AIMP2: variants seen among roughly 807,000 people sequenced by gnomAD.
AIMP2 encodes the protein aminoacyl tRNA synthetase complex interacting multifunctional protein 2, also known as aminoacyl tRNA synthase complex-interacting multifunctional protein 2.
A neutral mutation model predicts 23.4 loss-of-function variants in AIMP2; 20 were observed. The ratio of observed to expected loss-of-function variants is 0.85; its 90% confidence interval spans 0.60 to 1.24. The LOEUF (loss-of-function observed/expected upper bound fraction) is 1.24. Among genes scored for constraint, AIMP2 ranks in the 50% most tolerant of loss-of-function variants. The pLI, the probability that AIMP2 is intolerant of heterozygous loss-of-function variation, is 0.00. For synonymous variants in AIMP2, 210 were observed against 170.4 expected, an observed-to-expected ratio of 1.23 and a Z score of -1.81; for missense variants, 515 against 414.5, an observed-to-expected ratio of 1.24 and a Z score of -2.10.
At chr7:6,010,013 G>A (rs1472013753) in intron 1 of AIMP2, among the ~76,000 whole-genome samples, 1 of 125,712 alleles carries the variant, frequency 8.0e-6, no homozygotes, top group Non-Finnish European at 1.6e-5. Flanking sequence ...TTCCAGGTCG[G>A]GCGCGGTGGT....
chr7:6,015,195 T>C lies in AIMP2; in HGVS notation c.185T>C (p.Ile62Thr). 1.2e-6 allele frequency: 2 copies of C among 1,614,192 alleles called. No homozygotes were observed. Among genetic ancestry groups the C allele is most frequent in the Non-Finnish European group, 1.7e-6 (2 of 1,180,034 alleles). The change falls in exon 2 of 4, where the codon ATT (isoleucine) becomes ACT (threonine). Residue 62 changes from isoleucine (I) to threonine (T), a missense_variant. Ile to Thr is a moderately conservative substitution (Grantham distance 89). Transcript: ENST00000223029. ...GCTCTTGAGTCCCGCCAAGATGATA[T>C]TTTAAAACGTCTGTATGAGTTGAAA... ...LQALESRQDDILKRLYELKAA... is the reference protein window; with the variant it reads ...LQALESRQDDTLKRLYELKAA...
In AIMP2 at chr7:6,009,974, A is replaced by AATATAT. The variant is rs1183984035; in HGVS notation, c.135+489_135+494dup. 1.8e-3 allele frequency among the ~76,000 whole-genome samples: 49 copies of AATATAT among 26,650 alleles called. 2 individuals carry two copies. Among genetic ancestry groups the AATATAT allele is most frequent in the East Asian group, 7.4e-3 (2 of 272 alleles). The allele number at this position is 26,650 out of a possible 152,430, so 17.5% of individuals were successfully genotyped here. On this transcript the variant is annotated intron_variant, in intron 1 of 3. Coordinates refer to ENST00000223029, the MANE Select transcript of AIMP2 (RefSeq NM_006303.4). ...CAAAAAAAAAAAAAAAAAAAAAAAA[A>AATATAT]ATATATATATATATATATGTATGTA...
rs767186611 is a variant in AIMP2 at position 6,009,470 on chromosome 7, G to A, written c.107G>A (p.Gly36Asp). The A allele has an allele frequency of 3.1e-6, 5 of 1,590,540 alleles. No individual in the cohort carries two copies. Among genetic ancestry groups the A allele is most frequent in the Non-Finnish European group, 4.3e-6 (5 of 1,171,776 alleles). ...RLPNVHGRSY[G>D]PAPGAGHVQE... Reference sequence around the variant, plus strand: ...CCCAACGTGCACGGCAGGAGCTACGGCCCAGCGCCGGGCGCTGGCCACGTG... The same window carrying A: ...CCCAACGTGCACGGCAGGAGCTACGACCCAGCGCCGGGCGCTGGCCACGTG... The change falls in exon 1 of 4, where the codon GGC becomes GAC. Residue 36 changes from glycine to aspartate, a missense_variant. Physicochemically the swap from Gly to Asp is moderately conservative, Grantham distance 94. Transcript: ENST00000223029.
chr7:6,014,977 C>G (rs112928566), intron 1 of AIMP2, 169 bp from the exon 2 acceptor site: 30 of 1,425,520 alleles, frequency 2.1e-5, no homozygotes, highest in Non-Finnish European at 2.8e-5. Context: ...ACCTGGACCT[C>G]CCGAAGTGCT....
At position 6,023,098 on chromosome 7, in the gene AIMP2, G is replaced by C. The variant is rs1787552302; in HGVS notation, c.575-205G>C. 5.1e-6 allele frequency: 3 copies of C among 590,768 alleles called. No individual in the cohort carries two copies. In the South Asian group the frequency reaches 7.8e-5, roughly 15 times the overall value. 36.6% of individuals were successfully genotyped at this position (590,768 alleles called of 1,614,324 possible). The stretch of plus-strand genomic sequence containing the variant: ...ATCAAATACCAGGAATGACTCTTTG[G>C]TTACTTTTTTAACATAGTTTGCACT... On this transcript the variant is annotated intron_variant, in intron 3 of 3. Coordinates refer to ENST00000223029, the MANE Select transcript of AIMP2 (RefSeq NM_006303.4).
At chr7:6,009,613 C>A in intron 1 of AIMP2, 115 bp downstream of exon 1, 1 of 931,888 alleles carries the variant, frequency 1.1e-6, no homozygotes, top group Non-Finnish European at 1.4e-6. Context: ...ACCCCGGCAT[C>A]TGTGCCGGCC....
chr7:6,012,619 G>C, intron 1 of AIMP2: 1 of 269,788 alleles, frequency 3.7e-6, no homozygotes. Context: ...GTGCAATGTC[G>C]CAATCTCAGC....
Position 6,023,815 on chromosome 7 carries a change from T to C in AIMP2, c.*124T>C, listed in dbSNP as rs1787653979. Reference sequence around the variant, plus strand: ...ATTTAGGCCAGTTGTCAAGTGTCAATAAAAGCATCATGTAATTTATGGTTT... The same window carrying C: ...ATTTAGGCCAGTTGTCAAGTGTCAACAAAAGCATCATGTAATTTATGGTTT... On this transcript the variant is annotated 3_prime_UTR_variant, in exon 4 of 4. Transcript: ENST00000223029. 1 of 1,572,958 alleles carries C rather than the reference T, an allele frequency of 6.4e-7. No homozygotes were observed. Among genetic ancestry groups the C allele is most frequent in the South Asian group, 1.2e-5 (1 of 86,064 alleles).
intron 1 of AIMP2, among the ~76,000 whole-genome samples, chr7:6,010,308 T>C (rs1236930163): frequency 2.0e-5 from 3 of 151,822 alleles, no homozygotes; most frequent in Admixed American, 6.6e-5. Context: ...TTGACACACA[T>C]TGTCACCACT....
chr7:6,017,669 C>T, intron 2 of AIMP2, 145 bp from the exon 3 acceptor site: 1 of 681,330 alleles, frequency 1.5e-6, no homozygotes, highest in Non-Finnish European at 2.5e-6. Context: ...AAGTTACTGG[C>T]TGCAACGTGG....
At chr7:6,016,611 C>T (rs1051824516) in intron 2 of AIMP2, among the ~76,000 whole-genome samples, 2 of 152,140 alleles carry the variant, frequency 1.3e-5, no homozygotes, top group Non-Finnish European at 2.9e-5. Context: ...GACCCTGAGT[C>T]ATTTCTCAGG....
In AIMP2 at chr7:6,018,871, A is replaced by T. The variant is rs538854068; in HGVS notation, c.574+826A>T. On this transcript the variant is annotated intron_variant, in intron 3 of 3. Coordinates refer to ENST00000223029, the MANE Select transcript of AIMP2 (RefSeq NM_006303.4). ...AAAAAGAAAAATATCAAAACAAGAA[A>T]AAGATATGAGGCATAAAATATTTAC... Among the ~76,000 whole-genome samples, 76 of 152,140 alleles carry T rather than the reference A, an allele frequency of 5.0e-4. No individual in the cohort carries two copies. In the South Asian group the frequency reaches 7.7e-3, roughly 15 times the overall value.
intron 1 of AIMP2, among the ~76,000 whole-genome samples, chr7:6,014,001 G>A (rs1786863714): frequency 6.6e-6 from 1 of 151,640 alleles, no homozygotes; most frequent in African/African-American, 2.4e-5. Flanking sequence ...TGATTACTTG[G>A]CCCCATGGAC....
intron 1 of AIMP2, among the ~76,000 whole-genome samples, chr7:6,009,810 G>C (rs981279491): frequency 1.3e-5 from 2 of 150,388 alleles, no homozygotes; most frequent in African/African-American, 2.4e-5. Context: ...AATTGGCCGG[G>C]TGTGGTGAGG....
chr7:6,021,096 C>G (rs992735742), intron 3 of AIMP2, among the ~76,000 whole-genome samples: 4 of 151,816 alleles, frequency 2.6e-5, no homozygotes, highest in African/African-American at 9.7e-5. Context: ...GCACTCAGAG[C>G]CCCACGAGTT....
rs761471943 is a variant in AIMP2 at position 6,023,307 on chromosome 7, G to A, written c.579G>A (p.Pro193=). Reference sequence around the variant, plus strand: ...TGGCGTGTTTTTTCTTTTCAGTGCCGAAGACGCAGATGAAATTCAGCATCC... The same window carrying A: ...TGGCGTGTTTTTTCTTTTCAGTGCCAAAGACGCAGATGAAATTCAGCATCC... The part of the protein sequence containing the change: ...LGFTLIWKNV[P]KTQMKFSIQT... The change falls in exon 4 of 4, where the codon CCG becomes CCA. Residue 193 remains proline (P), a synonymous_variant. Coordinates refer to ENST00000223029, the MANE Select transcript of AIMP2 (RefSeq NM_006303.4). 8.2e-6 allele frequency: 13 copies of A among 1,593,802 alleles called. No individual in the cohort carries two copies. Among genetic ancestry groups the A allele is most frequent in the African/African-American group, 8.1e-5 (6 of 73,970 alleles).
At chr7:6,016,889 A>G (rs1331728680) in intron 2 of AIMP2, 4 of 157,708 alleles carry the variant, frequency 2.5e-5, no homozygotes. Context: ...ATGGGTTTGG[A>G]TTATGACAGG....
intron 1 of AIMP2, 83 bp downstream of exon 1, chr7:6,009,581 G>C (rs965726027): frequency 1.6e-6 from 2 of 1,261,220 alleles, no homozygotes; most frequent in East Asian, 3.2e-5. Context: ...GAGCGAGCGC[G>C]TCCCAACCGG....
chr7:6,015,059 G>A (rs1329886205), intron 1 of AIMP2, 87 bp from the exon 2 acceptor site: 3 of 1,597,244 alleles, frequency 1.9e-6, no homozygotes, highest in East Asian at 2.2e-5. Context: ...TTTGGTGAGT[G>A]CATGGCAAAG....
Sources: gnomAD v4.1 joint callset for allele counts (sites outside exome capture counted in the v4.1 genomes callset) on GRCh38, gnomAD v4.1.1 for gene constraint, MANE v1.5 for transcripts, NCBI Gene and HGNC (gene_info 2026-07-23, HGNC 2026-07-21) for gene names.